TAFA2: variants seen among roughly 807,000 people sequenced by gnomAD.
TAFA2 encodes the protein TAFA chemokine like family member 2, also known as chemokine-like protein TAFA-2.
In TAFA2, 7 loss-of-function variants were observed where a neutral mutation model predicts 18.8. That is an observed-to-expected ratio of 0.37 (90% CI 0.21 to 0.70). The LOEUF (loss-of-function observed/expected upper bound fraction) is 0.70, where lower values mean the gene tolerates loss of function less well. TAFA2 is among the 30% of genes least tolerant of loss of function. The pLI, the probability that TAFA2 is intolerant of heterozygous loss-of-function variation, is 0.53. For synonymous variants in TAFA2, 60 were observed against 54.2 expected, an observed-to-expected ratio of 1.11 and a Z score of -0.47; for missense variants, 122 against 158.1, an observed-to-expected ratio of 0.77 and a Z score of 1.23.
intron 1 of TAFA2, among the ~76,000 whole-genome samples, chr12:62,187,029 C>G (rs182954772): frequency 6.6e-6 from 1 of 152,090 alleles, no homozygotes. Context: ...CAATATATTT[C>G]TGGCAATTTT....
At chr12:61,807,884 G>T (rs1395979412) in intron 2 of TAFA2, among the ~76,000 whole-genome samples, 1 of 151,516 alleles carries the variant, frequency 6.6e-6, no homozygotes, top group Non-Finnish European at 1.5e-5. Flanking sequence ...TAACCCCATT[G>T]TATCTAGGAA....
intron 1 of TAFA2, among the ~76,000 whole-genome samples, chr12:61,962,004 T>G (rs890993531): frequency 6.6e-6 from 1 of 152,020 alleles, no homozygotes; most frequent in Non-Finnish European, 1.5e-5. Flanking sequence ...TCACTAGAAT[T>G]GAATAATTTG....
In TAFA2 at chr12:61,922,278, G is replaced by A. The variant is rs536214315; in HGVS notation, c.-1-54852C>T. 9.2e-5 allele frequency among the ~76,000 whole-genome samples: 14 copies of A among 152,230 alleles called. No individual in the cohort carries two copies. In the East Asian group the frequency reaches 1.2e-3, roughly 13 times the overall value. On this transcript the variant is annotated intron_variant, in intron 1 of 4. Coordinates refer to ENST00000416284, the MANE Select transcript of TAFA2 (RefSeq NM_178539.5). The stretch of plus-strand genomic sequence containing the variant: ...GCAGAGTCACTGAAGTTATCTCCTC[G>A]GGGTGAAAGGAAATAGGATCCAATG...
chr12:62,053,855 C>T (rs1399400388), intron 1 of TAFA2, among the ~76,000 whole-genome samples: 1 of 152,190 alleles, frequency 6.6e-6, no homozygotes, highest in African/African-American at 2.4e-5. Context: ...GTGCCACTTA[C>T]ATGAGATAAT....
At chr12:62,016,672 G>A (rs1466788712) in intron 1 of TAFA2, among the ~76,000 whole-genome samples, 4 of 152,188 alleles carry the variant, frequency 2.6e-5, no homozygotes, top group African/African-American at 9.6e-5. Context: ...ATTCCTCCGA[G>A]CCCTTCTCAG....
At position 61,799,779 on chromosome 12, in the gene TAFA2, G is replaced by A. The variant is rs369338510; in HGVS notation, c.107-44755C>T. On this transcript the variant is annotated intron_variant, in intron 2 of 4. Coordinates refer to ENST00000416284, the MANE Select transcript of TAFA2 (RefSeq NM_178539.5). ...GGAGCTTGCAGTGAGCCGAGATTGC[G>A]CCACTGCACTCCAGCCTGGGCGACA... Among the ~76,000 whole-genome samples, 3 of 152,130 alleles carry A rather than the reference G, an allele frequency of 2.0e-5. No homozygotes were observed. The East Asian group carries it at 5.8e-4, about 29-fold the overall frequency.
At position 61,737,513 on chromosome 12, in the gene TAFA2, G is replaced by C. The variant is rs77741595; in HGVS notation, c.384+16109C>G. Among the ~76,000 whole-genome samples the C allele has an allele frequency of 5.3e-4, 81 of 151,578 alleles. 1 individual carries two copies. Among genetic ancestry groups the C allele is most frequent in the African/African-American group, 1.9e-3 (78 of 41,396 alleles). Reference sequence around the variant, plus strand: ...ATATAACATAGTGGTTAAGAGCATGGGGTTAAGAACATCATCTAGTCTTGG... The same window carrying C: ...ATATAACATAGTGGTTAAGAGCATGCGGTTAAGAACATCATCTAGTCTTGG... On this transcript the variant is annotated intron_variant, in intron 4 of 4. Transcript: ENST00000416284.
At chr12:61,957,669 G>T (rs1878744145) in intron 1 of TAFA2, among the ~76,000 whole-genome samples, 1 of 152,094 alleles carries the variant, frequency 6.6e-6, no homozygotes, top group African/African-American at 2.4e-5. Context: ...GGAGCCTGAT[G>T]AAAGTTGGTC....
chr12:61,891,055 G>A (rs763979566), intron 1 of TAFA2, among the ~76,000 whole-genome samples: 12 of 152,070 alleles, frequency 7.9e-5, no homozygotes, highest in African/African-American at 1.4e-4. Flanking sequence ...TCTATTTCTG[G>A]AGCTATAAAT....
At chr12:62,191,028 G>A (rs549786928) in intron 1 of TAFA2, among the ~76,000 whole-genome samples, 9 of 152,008 alleles carry the variant, frequency 5.9e-5, no homozygotes, top group Non-Finnish European at 1.3e-4. Flanking sequence ...ATCCCCTCTC[G>A]GCGTCCCTCT....
intron 1 of TAFA2, among the ~76,000 whole-genome samples, chr12:61,924,047 A>G (rs1360831121): frequency 6.6e-6 from 1 of 151,666 alleles, no homozygotes; most frequent in Non-Finnish European, 1.5e-5. Flanking sequence ...GAAAAAAAAA[A>G]GAAAAGGAAC....
At chr12:61,886,066 T>C (rs1288748987) in intron 1 of TAFA2, among the ~76,000 whole-genome samples, 1 of 152,118 alleles carries the variant, frequency 6.6e-6, no homozygotes, top group Admixed American at 6.5e-5. Flanking sequence ...GTCAAATAAT[T>C]GGTTAATAGG....
chr12:61,781,365 T>G (rs1870496104), intron 2 of TAFA2, among the ~76,000 whole-genome samples: 1 of 151,678 alleles, frequency 6.6e-6, no homozygotes, highest in African/African-American at 2.4e-5. Flanking sequence ...TTAAAAGAAG[T>G]GGAATCTGAG....
intron 1 of TAFA2, among the ~76,000 whole-genome samples, chr12:61,936,332 T>C (rs1201281704): frequency 6.6e-6 from 1 of 152,026 alleles, no homozygotes; most frequent in Non-Finnish European, 1.5e-5. Flanking sequence ...TTTGGGAGGC[T>C]GAGGTGGGTG....
At chr12:62,028,536 G>T (rs570380210) in intron 1 of TAFA2, among the ~76,000 whole-genome samples, 2 of 152,286 alleles carry the variant, frequency 1.3e-5, no homozygotes, top group African/African-American at 4.8e-5. Flanking sequence ...GTTGTGCATG[G>T]TCAAACATAA....
intron 1 of TAFA2, among the ~76,000 whole-genome samples, chr12:62,119,899 C>A (rs1012705149): frequency 2.6e-5 from 4 of 151,826 alleles, no homozygotes; most frequent in Non-Finnish European, 5.9e-5. Context: ...CATGGAGAAA[C>A]CCTATCTCTA....
intron 1 of TAFA2, among the ~76,000 whole-genome samples, chr12:62,254,936 G>A (rs897952911): frequency 6.6e-6 from 1 of 152,200 alleles, no homozygotes; most frequent in African/African-American, 2.4e-5. Flanking sequence ...TCTCTTGGGA[G>A]AAAACAAAGT....
Position 61,717,090 on chromosome 12 carries a change from T to C in TAFA2, c.385-6673A>G, listed in dbSNP as rs529635040. Among the ~76,000 whole-genome samples, 5 of 152,320 alleles carry C rather than the reference T, an allele frequency of 3.3e-5. No homozygotes were observed. The South Asian group carries it at 1.0e-3, about 32-fold the overall frequency. On this transcript the variant is annotated intron_variant, in intron 4 of 4. Transcript: ENST00000416284. ...ATGTAGCTCTTACACATACATGAAATAAGCTCTTGCTTCACTTTTTGTGTG... is the reference window on the plus strand; with the variant it reads ...ATGTAGCTCTTACACATACATGAAACAAGCTCTTGCTTCACTTTTTGTGTG...
At chr12:62,073,848 T>G (rs988141606) in intron 1 of TAFA2, among the ~76,000 whole-genome samples, 2 of 152,126 alleles carry the variant, frequency 1.3e-5, no homozygotes, top group Non-Finnish European at 2.9e-5. Flanking sequence ...CAGATGAAAA[T>G]GAATCATTTT....
Sources: gnomAD v4.1 joint callset for allele counts (sites outside exome capture counted in the v4.1 genomes callset) on GRCh38, gnomAD v4.1.1 for gene constraint, MANE v1.5 for transcripts, NCBI Gene and HGNC (gene_info 2026-07-23, HGNC 2026-07-21) for gene names.